Variants in AP3S1 observed in about 807,000 individuals in gnomAD.
The protein encoded by AP3S1 is AP-3 complex subunit sigma-1.
AP3S1 carries 12 observed loss-of-function variants against 21.3 expected under a neutral mutation model. The ratio of observed to expected loss-of-function variants is 0.56; its 90% CI spans 0.36 to 0.91. The LOEUF (loss-of-function observed/expected upper bound fraction) is 0.91. AP3S1 is among the 40% of genes least tolerant of loss of function. The pLI, the probability that AP3S1 is intolerant of heterozygous loss-of-function variation, is 0.01. For synonymous variants in AP3S1, 48 were observed against 78.4 expected (o/e 0.61, Z 2.05); for missense variants, 116 against 225.0 (o/e 0.52, Z 3.10).
intron 1 of AP3S1, among the ~76,000 whole-genome samples, chr5:115,857,685 A>G (rs188930477): frequency 8.5e-4 from 130 of 152,300 alleles, no homozygotes; most frequent in Middle Eastern, 3.4e-3. Flanking sequence ...TAAATAATGT[A>G]CTTGTTTTAC....
intron 2 of AP3S1, among the ~76,000 whole-genome samples, chr5:115,867,474 TAAATC>T (rs1373754315): frequency 1.3e-5 from 2 of 152,174 alleles, no homozygotes; most frequent in African/African-American, 4.8e-5. Flanking sequence ...TTCTCAAACA[TAAATC>T]AGTCAGAGAA....
chr5:115,850,092 C>A (rs115831435), intron 1 of AP3S1, among the ~76,000 whole-genome samples: 1,688 of 152,276 alleles, frequency 0.011, 13 homozygotes, highest in Middle Eastern at 0.017. Context: ...CTAGACCCAC[C>A]TCTATTGTAC....
In AP3S1 at chr5:115,913,646, A is replaced by G; in HGVS notation, c.*156A>G. 3 of 1,238,276 alleles carry G rather than the reference A, an allele frequency of 2.4e-6. No homozygotes were observed. Among genetic ancestry groups the G allele is most frequent in the Non-Finnish European group, 3.3e-6 (3 of 911,964 alleles). The allele number at this position is 1,238,276 out of a possible 1,614,324, so 76.7% of individuals were successfully genotyped here. A position where few individuals can be genotyped will look rare whatever the true frequency, so the allele number is the denominator to read the frequency against. On this transcript the variant is annotated 3_prime_UTR_variant, in exon 6 of 6. Transcript: ENST00000316788. ...TAGAAGTTGTGTAAAATCAGTATGA[A>G]AGTTCAATGTTGCTGTTCTTGCTCA...
At chr5:115,869,366 T>C (rs933522734) in intron 2 of AP3S1, among the ~76,000 whole-genome samples, 2 of 152,206 alleles carry the variant, frequency 1.3e-5, no homozygotes, top group African/African-American at 4.8e-5. Flanking sequence ...TTAAGCTGTG[T>C]AACTTACTGT....
chr5:115,859,159 G>A (rs185958908), intron 1 of AP3S1, among the ~76,000 whole-genome samples: 19 of 152,242 alleles, frequency 1.2e-4, no homozygotes, highest in Admixed American at 8.5e-4. Context: ...TTGCCTGTGC[G>A]ATCTTTACTT....
chr5:115,851,947 C>G (rs932062590), intron 1 of AP3S1, among the ~76,000 whole-genome samples: 10 of 151,870 alleles, frequency 6.6e-5, no homozygotes, highest in African/African-American at 2.4e-4. Context: ...TTTAACCAAT[C>G]AATGTGGACT....
intron 5 of AP3S1, chr5:115,904,237 A>G (rs749166086): frequency 6.6e-6 from 1 of 152,232 alleles, no homozygotes; most frequent in South Asian, 2.1e-4. Context: ...TCGTTGATTT[A>G]AAGTAAATAT....
chr5:115,881,119 T>C (rs913604259), intron 3 of AP3S1, among the ~76,000 whole-genome samples: 6 of 152,174 alleles, frequency 3.9e-5, no homozygotes, highest in African/African-American at 1.2e-4. Flanking sequence ...GTCTTCTGAA[T>C]ACAGCACACT....
chr5:115,864,319 T>A (rs1168412243), intron 1 of AP3S1, among the ~76,000 whole-genome samples: 1 of 152,190 alleles, frequency 6.6e-6, no homozygotes, highest in African/African-American at 2.4e-5. Context: ...AAAGTTTTTT[T>A]GATATTGGAC....
chr5:115,894,460 G>A (rs1427767442), intron 3 of AP3S1, among the ~76,000 whole-genome samples: 2 of 152,194 alleles, frequency 1.3e-5, no homozygotes, highest in African/African-American at 2.4e-5. Flanking sequence ...TTTCTGAAAG[G>A]TTGGAGCTTA....
At chr5:115,846,553 TC>T (rs1762078648) in intron 1 of AP3S1, among the ~76,000 whole-genome samples, 1 of 150,552 alleles carries the variant, frequency 6.6e-6, no homozygotes, top group Non-Finnish European at 1.5e-5. Flanking sequence ...TTCTTCTTTC[TC>T]GTTTTTTTTT....
intron 3 of AP3S1, among the ~76,000 whole-genome samples, chr5:115,888,165 A>G (rs1408430879): frequency 6.6e-6 from 1 of 152,042 alleles, no homozygotes; most frequent in Non-Finnish European, 1.5e-5. Context: ...GATACCTGTT[A>G]TATTGAAATT....
At chr5:115,902,436 C>A (rs1751294327) in intron 4 of AP3S1, among the ~76,000 whole-genome samples, 1 of 152,170 alleles carries the variant, frequency 6.6e-6, no homozygotes, top group South Asian at 2.1e-4. Flanking sequence ...GTTAGAAGTA[C>A]TGTACTACAT....
intron 5 of AP3S1, among the ~76,000 whole-genome samples, chr5:115,908,636 A>G (rs1751852930): frequency 6.6e-6 from 1 of 152,162 alleles, no homozygotes; most frequent in Non-Finnish European, 1.5e-5. Context: ...GATAATCCGT[A>G]CAAAATGACT....
At chr5:115,893,525 T>C (rs1006798216) in intron 3 of AP3S1, among the ~76,000 whole-genome samples, 1 of 152,184 alleles carries the variant, frequency 6.6e-6, no homozygotes, top group African/African-American at 2.4e-5. Flanking sequence ...TAGGCATGGA[T>C]TTTCAACTGC....
chr5:115,853,393 G>A (rs759559132), intron 1 of AP3S1, among the ~76,000 whole-genome samples: 15 of 152,188 alleles, frequency 9.9e-5, no homozygotes, highest in Non-Finnish European at 2.2e-4. Flanking sequence ...TGATGTGCAT[G>A]TATCTCCTCC....
At chr5:115,893,835 T>C (rs759512664) in intron 3 of AP3S1, among the ~76,000 whole-genome samples, 25 of 152,186 alleles carry the variant, frequency 1.6e-4, no homozygotes, top group Non-Finnish European at 3.4e-4. Context: ...TATTATATAA[T>C]TTATTATTAA....
intron 3 of AP3S1, among the ~76,000 whole-genome samples, chr5:115,892,840 A>G (rs1219525829): frequency 5.3e-5 from 8 of 152,244 alleles, no homozygotes; most frequent in African/African-American, 1.4e-4. Context: ...AACACAAAGG[A>G]TAAATGCTTG....
intron 1 of AP3S1, among the ~76,000 whole-genome samples, chr5:115,845,539 G>A (rs1411676175): frequency 2.0e-5 from 3 of 152,010 alleles, no homozygotes; most frequent in Non-Finnish European, 2.9e-5. Context: ...CAGACATTAC[G>A]AATTCAAGTG....
Sources: allele counts gnomAD v4.1 joint callset (sites outside exome capture counted in the v4.1 genomes callset), GRCh38; gene constraint gnomAD v4.1.1; transcripts MANE v1.5; gene names NCBI Gene and HGNC (gene_info 2026-07-23, HGNC 2026-07-21).